The following CCPG1 variants were observed in gnomAD, a reference collection of about 807,000 sequenced individuals.
CCPG1 encodes the protein cell cycle progression 1.
A neutral mutation model predicts 81.3 loss-of-function variants in CCPG1; 46 were observed. The observed-to-expected ratio is 0.57, with a 90% CI of 0.45 to 0.72. CCPG1 has a LOEUF of 0.72. Among genes scored for constraint, CCPG1 ranks in the 30% least tolerant of loss-of-function variants. The pLI, the probability that CCPG1 is intolerant of heterozygous loss-of-function variation, is 0.00. For missense variants in CCPG1, 902 were observed against 937.6 expected (o/e 0.96, Z 0.50); for synonymous variants, 330 against 305.2 (o/e 1.08, Z -0.85).
intron 1 of CCPG1, among the ~76,000 whole-genome samples, chr15:55,397,270 G>C (rs1292028623): frequency 6.6e-6 from 1 of 151,936 alleles, no homozygotes; most frequent in South Asian, 2.1e-4. Flanking sequence ...TGGTGGCAAG[G>C]GGACAGACTG....
Position 55,371,821 on chromosome 15 carries a change from T to G in CCPG1, c.678A>C (p.Ala226=). Residue 226 remains alanine, a synonymous_variant, in exon 6 of 9, where the codon GCA becomes GCC. Transcript: ENST00000442196. Reference sequence around the variant, plus strand: ...AGAAATGGCCAAATCCCATGCTGATTGCAATCACCAAAGCAAGTATAACAC... The same window carrying G: ...AGAAATGGCCAAATCCCATGCTGATGGCAATCACCAAAGCAAGTATAACAC... ...NKCVILALVI[A]ISMGFGHFYG... is the part of the protein sequence containing the mutation. 3 of 1,614,070 alleles carry G rather than the reference T, an allele frequency of 1.9e-6. No homozygotes were observed. The highest frequency in any genetic ancestry group is 2.2e-5 in the South Asian group (2 of 91,088).
chr15:55,386,442 T>C (rs1273362537), intron 2 of CCPG1, among the ~76,000 whole-genome samples: 1 of 152,228 alleles, frequency 6.6e-6, no homozygotes, highest in Non-Finnish European at 1.5e-5. Context: ...TAGCGGATCA[T>C]ACAATTTTTC....
intron 6 of CCPG1, among the ~76,000 whole-genome samples, 183 bp downstream of exon 6, chr15:55,371,610 A>C (rs540470330): frequency 1.3e-5 from 2 of 152,318 alleles, no homozygotes; most frequent in African/African-American, 4.8e-5. Flanking sequence ...TATTTAAATA[A>C]AAAGCTTTGT....
intron 5 of CCPG1, among the ~76,000 whole-genome samples, chr15:55,376,446 C>G (rs16976307): frequency 0.18 from 27,134 of 152,082 alleles, 4,205 homozygotes; most frequent in African/African-American, 0.42. Context: ...CTGAAGGTCA[C>G]GAGCTTTGGA....
chr15:55,381,306 T>C (rs1232829797), intron 3 of CCPG1, among the ~76,000 whole-genome samples: 1 of 150,448 alleles, frequency 6.6e-6, no homozygotes, highest in East Asian at 2.0e-4. Flanking sequence ...TAGCTGGGCA[T>C]AGTGGCAGGC....
intron 5 of CCPG1, among the ~76,000 whole-genome samples, chr15:55,375,891 T>C (rs537857758): frequency 6.6e-6 from 1 of 152,248 alleles, no homozygotes; most frequent in South Asian, 2.1e-4. Flanking sequence ...GGTCTCGCTA[T>C]GTTGCCCAGG....
At chr15:55,408,142 T>A (rs1006490427) in intron 1 of CCPG1, 79 bp downstream of exon 1, 1 of 152,496 alleles carries the variant, frequency 6.6e-6, no homozygotes, top group African/African-American at 2.4e-5. Flanking sequence ...GCTCCTCTAC[T>A]GAGCCGAGCG....
intron 8 of CCPG1, chr15:55,357,297 A>G (rs2056100114): frequency 1.0e-6 from 1 of 983,780 alleles, no homozygotes; most frequent in African/African-American, 1.7e-5. Context: ...CTCCTTCACA[A>G]GAAATATCAA....
chr15:55,397,282 G>T (rs1037148726), intron 1 of CCPG1, among the ~76,000 whole-genome samples: 1 of 151,512 alleles, frequency 6.6e-6, no homozygotes, highest in Admixed American at 6.6e-5. Context: ...GACAGACTGA[G>T]TAGGGCTTAC....
chr15:55,356,519 A>T, intron 8 of CCPG1, 110 bp from the exon 9 acceptor site: 3 of 1,280,900 alleles, frequency 2.3e-6, no homozygotes, highest in Non-Finnish European at 3.1e-6. Flanking sequence ...CTGATAAAAG[A>T]TATTAAATAT....
chr15:55,360,725 C>T lies in CCPG1; in HGVS notation c.1048G>A (p.Glu350Lys). ...AAATGCTGCTTAAGTTTCTGATTTT[C>T]TTTAACTAATTCAGTACTTGTCCCT... The part of the protein sequence containing the change: ...DKGTSTELVK[E>K]NQKLKQHLEE... Residue 350 changes from glutamate (E) to lysine (K), a missense_variant, in exon 8 of 9, where the codon GAA (glutamate) becomes AAA (lysine). Coordinates refer to ENST00000442196, the MANE Select transcript of CCPG1 (RefSeq NM_001204450.2). 1 of 1,611,754 alleles carries T rather than the reference C, an allele frequency of 6.2e-7. No individual in the cohort carries two copies.
At chr15:55,383,290 G>A (rs946981953) in intron 3 of CCPG1, among the ~76,000 whole-genome samples, 6 of 152,174 alleles carry the variant, frequency 3.9e-5, no homozygotes, top group Admixed American at 3.9e-4. Context: ...TCTCAACACT[G>A]AGCTTAAAAT....
In CCPG1 at chr15:55,391,872, T is replaced by TAA. The variant is rs35532067; in HGVS notation, c.-9-2441_-9-2440dup. 9.6e-3 allele frequency among the ~76,000 whole-genome samples: 606 copies of TAA among 63,146 alleles called. 38 individuals carry two copies. The highest frequency in any genetic ancestry group is 0.032 in the African/African-American group (563 of 17,370). The allele number at this position is 63,146 out of a possible 152,430, so 41.4% of individuals were successfully genotyped here. ...GTAATACAGTGAAACCTTGACTCTT[T>TAA]AAAAAAAAAAAAAAAGGGGGGGGGG... is the stretch of plus-strand genomic sequence containing the variant. On this transcript the variant is annotated intron_variant, in intron 1 of 8. Transcript: ENST00000442196.
intron 5 of CCPG1, among the ~76,000 whole-genome samples, chr15:55,375,210 ATTTC>A (rs1409047281): frequency 6.6e-6 from 1 of 152,122 alleles, no homozygotes; most frequent in Admixed American, 6.6e-5. Context: ...TTAATATGTA[ATTTC>A]TTTCTTTTTT....
At chr15:55,380,697 G>A (rs1175245813) in intron 3 of CCPG1, among the ~76,000 whole-genome samples, 1 of 152,014 alleles carries the variant, frequency 6.6e-6, no homozygotes, top group Non-Finnish European at 1.5e-5. Flanking sequence ...TAATTTAGAG[G>A]TGAGATTCCG....
intron 1 of CCPG1, among the ~76,000 whole-genome samples, chr15:55,402,044 TCA>T (rs1032622732): frequency 2.6e-5 from 4 of 152,246 alleles, no homozygotes. Context: ...TTTTCCTAGA[TCA>T]CTGTTTCTGA....
chr15:55,357,930 CCATCCCACATGGGATGTGAAT>C (rs1330378946), intron 8 of CCPG1: 1 of 152,208 alleles, frequency 6.6e-6, no homozygotes, highest in Non-Finnish European at 1.5e-5. Context: ...CAGTTCTGCT[CCATCCCACATGGGATGTGAAT>C]CATCCTTTTC....
At chr15:55,380,402 C>A (rs900338489) in intron 3 of CCPG1, among the ~76,000 whole-genome samples, 1 of 151,364 alleles carries the variant, frequency 6.6e-6, no homozygotes, top group African/African-American at 2.4e-5. Flanking sequence ...TTCACGCCAT[C>A]CTCCTGCCTC....
chr15:55,406,436 CTTTT>C (rs143238270), intron 1 of CCPG1, among the ~76,000 whole-genome samples: 4,193 of 126,260 alleles, frequency 0.033, 86 homozygotes, highest in South Asian at 0.052. Flanking sequence ...TTCTTTTTCT[CTTTT>C]TTTTTTTTTG....
Sources: gnomAD v4.1 joint callset for allele counts (sites outside exome capture counted in the v4.1 genomes callset) on GRCh38, gnomAD v4.1.1 for gene constraint, MANE v1.5 for transcripts, NCBI Gene and HGNC (gene_info 2026-07-23, HGNC 2026-07-21) for gene names.